Variants in KIF3C observed in about 807,000 individuals in gnomAD.
KIF3C encodes kinesin family member 3C, also known as kinesin-like protein KIF3C.
A neutral mutation model predicts 67.7 loss-of-function variants in KIF3C; 12 were observed. That is an observed-to-expected ratio of 0.18 (90% CI 0.11 to 0.29). KIF3C has a LOEUF of 0.29. KIF3C is among the 10% of genes least tolerant of loss of function. KIF3C has a pLI of 1.00. For missense variants in KIF3C, 789 were observed against 1,059.6 expected (o/e 0.74, Z 3.55); for synonymous variants, 393 against 426.2 (o/e 0.92, Z 0.96).
At chr2:25,976,220 G>A (rs1232131212) in intron 1 of KIF3C, among the ~76,000 whole-genome samples, 2 of 152,098 alleles carry the variant, frequency 1.3e-5, no homozygotes, top group South Asian at 2.1e-4. Context: ...CCTTATGACC[G>A]CATCCCTCTG....
At chr2:25,946,505 T>C (rs1027164078) in intron 5 of KIF3C, among the ~76,000 whole-genome samples, 1 of 152,128 alleles carries the variant, frequency 6.6e-6, no homozygotes, top group African/African-American at 2.4e-5. Flanking sequence ...CTGGCCAACA[T>C]GGTGAAACCC....
At position 25,956,404 on chromosome 2, in the gene KIF3C, A is replaced by G; in HGVS notation, c.1586T>C (p.Met529Thr). 2 of 1,614,164 alleles carry G rather than the reference A, an allele frequency of 1.2e-6. No individual in the cohort carries two copies. The highest frequency in any genetic ancestry group is 1.3e-5 in the African/African-American group (1 of 75,052). Residue 529 changes from methionine to threonine, a missense_variant, in exon 2 of 8, where the codon ATG becomes ACG. By Grantham distance (81) the Met-to-Thr change is moderately conservative (BLOSUM62 -1). Transcript: ENST00000264712. ...CTTCTGCTGTTCGTTGGTGTGATCC[A>G]TGATGTTCCTGCCCCCGATGAGGAG... ...SKLLIGGRNI[M>T]DHTNEQQKML... is the part of the protein sequence containing the mutation.
Position 25,956,449 on chromosome 2 carries a change from G to C in KIF3C, c.1546-5C>G. 6.2e-7 allele frequency: 1 copy of C among 1,611,080 alleles called. No homozygotes were observed. The highest frequency in any genetic ancestry group is 8.5e-7 in the Non-Finnish European group (1 of 1,177,488). On this transcript the variant is annotated splice_region_variant and splice_polypyrimidine_tract_variant and intron_variant, in intron 1 of 7. Coordinates refer to ENST00000264712, the MANE Select transcript of KIF3C (RefSeq NM_002254.8). ...GAGGAGCTTGCTCTCCATGGCCTGGGGACACAGAGGGGTTGGGAGGTGGGC... is the reference window on the plus strand; with the variant it reads ...GAGGAGCTTGCTCTCCATGGCCTGGCGACACAGAGGGGTTGGGAGGTGGGC...
chr2:25,972,883 C>T (rs547289238), intron 1 of KIF3C, among the ~76,000 whole-genome samples: 33 of 152,182 alleles, frequency 2.2e-4, no homozygotes, highest in African/African-American at 7.5e-4. Context: ...CTCTATTTCT[C>T]TCTTGCTTTT....
rs529651217 is a variant in KIF3C at position 25,928,177 on chromosome 2, C to T, written c.*801G>A. ...GAGCCTGTCGACCAAAATGACTCCTCGGAGGGGACAGAAACAAAGGAATCC... is the reference window on the plus strand; with the variant it reads ...GAGCCTGTCGACCAAAATGACTCCTTGGAGGGGACAGAAACAAAGGAATCC... On this transcript the variant is annotated 3_prime_UTR_variant, in exon 8 of 8. Coordinates refer to ENST00000264712, the MANE Select transcript of KIF3C (RefSeq NM_002254.8). 22 of 152,282 alleles carry T rather than the reference C, an allele frequency of 1.4e-4. No individual in the cohort carries two copies. Among genetic ancestry groups the T allele is most frequent in the African/African-American group, 4.6e-4 (19 of 41,546 alleles). The allele number at this position is 152,282 out of a possible 1,614,324, so 9.4% of individuals were successfully genotyped here.
In KIF3C at chr2:25,951,925, A is replaced by C; in HGVS notation, c.1890-20T>G. 1 of 1,542,332 alleles carries C rather than the reference A, an allele frequency of 6.5e-7. No individual in the cohort carries two copies. The highest frequency in any genetic ancestry group is 9.0e-7 in the Non-Finnish European group (1 of 1,115,186). The stretch of plus-strand genomic sequence containing the variant: ...AGGTACCTGGGAGCAGGAATGAAGG[A>C]GTGATGGGAAAATGGGTGAGCGAGA... On this transcript the variant is annotated intron_variant, in intron 4 of 7. Coordinates refer to ENST00000264712, the MANE Select transcript of KIF3C (RefSeq NM_002254.8).
chr2:25,935,249 A>T (rs142495021), intron 5 of KIF3C, among the ~76,000 whole-genome samples: 21 of 152,310 alleles, frequency 1.4e-4, no homozygotes, highest in Admixed American at 4.6e-4. Context: ...GTCTTAAAAA[A>T]AAATAAATAA....
rs951192001 is a variant in KIF3C, at chr2:25,928,784, G to A, written c.*194C>T. 7.2e-6 allele frequency: 4 copies of A among 554,194 alleles called. No individual in the cohort carries two copies. The highest frequency in any genetic ancestry group is 3.8e-5 in the African/African-American group (2 of 52,584). The allele number at this position is 554,194 out of a possible 1,614,324, so 34.3% of individuals were successfully genotyped here. On this transcript the variant is annotated 3_prime_UTR_variant, in exon 8 of 8. Coordinates refer to ENST00000264712, the MANE Select transcript of KIF3C (RefSeq NM_002254.8). ...CTCCCCAACACGAACAGAGCTCCGC[G>A]AATAAATAACATGAATTAAATAAAG...
At chr2:25,934,506 G>C (rs947293881) in intron 5 of KIF3C, among the ~76,000 whole-genome samples, 1 of 151,984 alleles carries the variant, frequency 6.6e-6, no homozygotes, top group Non-Finnish European at 1.5e-5. Flanking sequence ...TTGAACCCGG[G>C]AGGCAGAGGT....
chr2:25,934,812 C>T (rs558987071), intron 5 of KIF3C, among the ~76,000 whole-genome samples: 30 of 152,166 alleles, frequency 2.0e-4, no homozygotes, highest in Non-Finnish European at 3.8e-4. Context: ...GTAATCCCCA[C>T]GCTTTGGGAG....
At chr2:25,942,116 G>A (rs1177879779) in intron 5 of KIF3C, among the ~76,000 whole-genome samples, 1 of 152,114 alleles carries the variant, frequency 6.6e-6, no homozygotes, top group Non-Finnish European at 1.5e-5. Context: ...CCAGGACTTT[G>A]GGATGCCGAG....
At chr2:25,970,488 C>T (rs971766865) in intron 1 of KIF3C, among the ~76,000 whole-genome samples, 11 of 151,486 alleles carry the variant, frequency 7.3e-5, no homozygotes, top group Non-Finnish European at 1.5e-4. Flanking sequence ...GTCAACGTGG[C>T]AAAACCCTGT....
intron 5 of KIF3C, among the ~76,000 whole-genome samples, chr2:25,947,101 G>A (rs562516255): frequency 6.6e-6 from 1 of 152,266 alleles, no homozygotes; most frequent in South Asian, 2.1e-4. Flanking sequence ...GTTGAAATGA[G>A]CCGAGATTGT....
rs1345488680 is a variant in KIF3C at position 25,927,441 on chromosome 2, C to T, written c.*1537G>A. The T allele has an allele frequency of 6.6e-6, 1 of 152,194 alleles. No individual in the cohort carries two copies. Among genetic ancestry groups the T allele is most frequent in the Non-Finnish European group, 1.5e-5 (1 of 68,048 alleles). The allele number at this position is 152,194 out of a possible 1,614,324, so 9.4% of individuals were successfully genotyped here. A position where few individuals can be genotyped will look rare whatever the true frequency, so the allele number is the denominator to read the frequency against. Reference sequence around the variant, plus strand: ...AGGAGCAAATGGCAAGTGGGTGGCTCAACCCTCTAGTCCAGTAATGAAGCA... The same window carrying T: ...AGGAGCAAATGGCAAGTGGGTGGCTTAACCCTCTAGTCCAGTAATGAAGCA... On this transcript the variant is annotated 3_prime_UTR_variant, in exon 8 of 8. Transcript: ENST00000264712.
chr2:25,954,095 G>C (rs1663732477), intron 4 of KIF3C, 172 bp downstream of exon 4: 2 of 656,182 alleles, frequency 3.0e-6, no homozygotes, highest in African/African-American at 3.6e-5. Flanking sequence ...TACAGGCAGA[G>C]GAGGTAGAAG....
intron 1 of KIF3C, among the ~76,000 whole-genome samples, chr2:25,961,754 C>A (rs1484701993): frequency 6.6e-6 from 1 of 152,172 alleles, no homozygotes; most frequent in Non-Finnish European, 1.5e-5. Context: ...TCTCTTACTG[C>A]ATCTCCAGAG....
intron 5 of KIF3C, among the ~76,000 whole-genome samples, chr2:25,937,189 G>C (rs1663151636): frequency 6.6e-6 from 1 of 152,256 alleles, no homozygotes; most frequent in Non-Finnish European, 1.5e-5. Context: ...GCGACAGTTG[G>C]AAGAGGAGAA....
intron 5 of KIF3C, chr2:25,934,129 A>G (rs1158664119): frequency 2.1e-6 from 1 of 470,982 alleles, no homozygotes; most frequent in Non-Finnish European, 4.4e-6. Flanking sequence ...CGGACTACAT[A>G]TTGTGTGATT....
chr2:25,966,651 G>A (rs181696909), intron 1 of KIF3C, among the ~76,000 whole-genome samples: 8 of 152,302 alleles, frequency 5.3e-5, no homozygotes, highest in African/African-American at 1.7e-4. Context: ...AAGCACTGAC[G>A]TGGAAAGCTA....
Sources: gnomAD v4.1 joint callset for allele counts (sites outside exome capture counted in the v4.1 genomes callset) on GRCh38, gnomAD v4.1.1 for gene constraint, MANE v1.5 for transcripts, NCBI Gene and HGNC (gene_info 2026-07-23, HGNC 2026-07-21) for gene names.